TUBE1: variants seen among roughly 807,000 people sequenced by gnomAD.
TUBE1 encodes the protein tubulin epsilon 1, also known as tubulin epsilon chain.
TUBE1 carries 34 observed loss-of-function variants against 53.5 expected under a neutral mutation model. The observed-to-expected ratio is 0.64, with a 90% CI of 0.48 to 0.85. The LOEUF (loss-of-function observed/expected upper bound fraction) is 0.85, where lower values mean the gene tolerates loss of function less well. Ranked by LOEUF, TUBE1 falls within the 40% of genes least tolerant of loss-of-function variation. The pLI is 0.00. For missense variants in TUBE1, 532 were observed against 570.5 expected (o/e 0.93, Z 0.69); for synonymous variants, 177 against 198.4 (o/e 0.89, Z 0.91).
In TUBE1 at chr6:112,079,614, A is replaced by G. The variant is rs781883738; in HGVS notation, c.448+19T>C. ...TTATCCTTTAACACTGTTACAGGCA[A>G]ATGAGTGAAAAATTTTACCTCCTCC... On this transcript the variant is annotated intron_variant, in intron 6 of 11. Coordinates refer to ENST00000368662, the MANE Select transcript of TUBE1 (RefSeq NM_016262.5). 7.4e-6 allele frequency: 12 copies of G among 1,610,768 alleles called. No homozygotes were observed. The highest frequency in any genetic ancestry group is 1.0e-5 in the Non-Finnish European group (12 of 1,178,496).
At chr6:112,085,218 G>A (rs1777129546) in intron 3 of TUBE1, 1 of 152,876 alleles carries the variant, frequency 6.5e-6, no homozygotes, top group African/African-American at 2.4e-5. Context: ...AGTACACAAA[G>A]ATATGGTTTT....
intron 3 of TUBE1, chr6:112,085,572 G>A (rs1777136404): frequency 2.3e-6 from 1 of 439,264 alleles, no homozygotes; most frequent in Admixed American, 2.6e-5. Flanking sequence ...AGAATTTAGA[G>A]GTGAGGATAT....
At chr6:112,076,591 A>G (rs1583594097) in intron 6 of TUBE1, 82 bp from the exon 7 acceptor site, 16 of 1,288,244 alleles carry the variant, frequency 1.2e-5, no homozygotes, top group Non-Finnish European at 1.7e-5. Context: ...ATTTTTTTTG[A>G]GACAGGGTCT....
chr6:112,086,647 G>C, intron 2 of TUBE1, 39 bp from the exon 3 acceptor site: 1 of 1,395,736 alleles, frequency 7.2e-7, no homozygotes, highest in South Asian at 1.2e-5. Context: ...TTTAGGTTTT[G>C]CTTCTCGCCC....
At chr6:112,086,654 G>A (rs1554317370) in intron 2 of TUBE1, 46 bp from the exon 3 acceptor site, 2 of 1,335,672 alleles carry the variant, frequency 1.5e-6, no homozygotes, top group South Asian at 1.2e-5. Context: ...TTTGCTTCTC[G>A]CCCAAATCAA....
chr6:112,073,435 A>T (rs1021408478), intron 9 of TUBE1, among the ~76,000 whole-genome samples: 3 of 152,222 alleles, frequency 2.0e-5, no homozygotes, highest in Non-Finnish European at 2.9e-5. Context: ...TTTTAACCTA[A>T]GTCTTTTAAC....
At chr6:112,081,334 T>A (rs1294001861) in intron 4 of TUBE1, 127 bp from the exon 5 acceptor site, 5 of 442,136 alleles carry the variant, frequency 1.1e-5, no homozygotes, top group Non-Finnish European at 2.0e-5. Context: ...TTAAAATCTT[T>A]ACGTAGAATC....
Position 112,087,439 on chromosome 6 carries a change from G to A in TUBE1, c.-5C>T, listed in dbSNP as rs1562607616. 2.6e-6 allele frequency: 4 copies of A among 1,550,170 alleles called. No individual in the cohort carries two copies. Among genetic ancestry groups the A allele is most frequent in the Non-Finnish European group, 3.5e-6 (4 of 1,146,116 alleles). On this transcript the variant is annotated 5_prime_UTR_variant, in exon 1 of 12. Transcript: ENST00000368662. ...TACGACCACCGACTGGGTCATGGTG[G>A]TGCGCCGCCGGCTCCGGGAGCTTGC...
At chr6:112,072,928 C>G (rs376693173) in intron 9 of TUBE1, 30 bp from the exon 10 acceptor site, 188 of 1,606,710 alleles carry the variant, frequency 1.2e-4, no homozygotes, top group Non-Finnish European at 2.4e-5. Flanking sequence ...ATTGTTTATA[C>G]AAAATATTAC....
intron 3 of TUBE1, among the ~76,000 whole-genome samples, chr6:112,085,069 G>T (rs1322620354): frequency 1.3e-5 from 2 of 152,188 alleles, no homozygotes; most frequent in Non-Finnish European, 2.9e-5. Context: ...AGATCAAGTA[G>T]TGGTGCAAAA....
chr6:112,072,315 C>T (rs1269874557), intron 10 of TUBE1, among the ~76,000 whole-genome samples: 1 of 152,104 alleles, frequency 6.6e-6, no homozygotes, highest in Non-Finnish European at 1.5e-5. Flanking sequence ...ATTCAAGAAG[C>T]TAGAAACTCA....
At chr6:112,082,367 C>T (rs1213101598) in intron 4 of TUBE1, among the ~76,000 whole-genome samples, 1 of 152,062 alleles carries the variant, frequency 6.6e-6, no homozygotes, top group Non-Finnish European at 1.5e-5. Context: ...ACTGTATGGG[C>T]AAATTTTAGT....
At chr6:112,082,042 G>A (rs191463735) in intron 4 of TUBE1, among the ~76,000 whole-genome samples, 2 of 152,216 alleles carry the variant, frequency 1.3e-5, no homozygotes, top group East Asian at 1.9e-4. Flanking sequence ...GTGTCACAGA[G>A]GAAGTGCTCG....
intron 5 of TUBE1, 93 bp from the exon 6 acceptor site, chr6:112,079,847 G>T (rs1777042221): frequency 2.4e-6 from 3 of 1,274,526 alleles, no homozygotes; most frequent in South Asian, 2.9e-5. Context: ...AAACAAATTT[G>T]AAAAGTATTC....
chr6:112,086,128 G>A (rs1777151665), intron 3 of TUBE1, among the ~76,000 whole-genome samples: 1 of 152,140 alleles, frequency 6.6e-6, no homozygotes, highest in South Asian at 2.1e-4. Context: ...TACTCTTCCA[G>A]ATAAAACATA....
chr6:112,077,199 A>T (rs1776985733), intron 6 of TUBE1: 1 of 152,238 alleles, frequency 6.6e-6, no homozygotes, highest in East Asian at 1.9e-4. Flanking sequence ...GAAAAAAACT[A>T]TCATGTCATC....
Position 112,070,809 on chromosome 6 carries a change from T to C in TUBE1, c.*603A>G, listed in dbSNP as rs1272747684. The C allele has an allele frequency of 6.6e-6, 1 of 152,080 alleles. No homozygotes were observed. The highest frequency in any genetic ancestry group is 1.5e-5 in the Non-Finnish European group (1 of 68,002). 9.4% of individuals were successfully genotyped at this position (152,080 alleles called of 1,614,324 possible). On this transcript the variant is annotated 3_prime_UTR_variant, in exon 12 of 12. Coordinates refer to ENST00000368662, the MANE Select transcript of TUBE1 (RefSeq NM_016262.5). The stretch of plus-strand genomic sequence containing the variant: ...ATATAGACATTTATTATAAAATCAA[T>C]TGGTTTGATAAGAAAGCAATTATTT...
In TUBE1 at chr6:112,072,977, T is replaced by C. The variant is rs369581885; in HGVS notation, c.954-79A>G. The C allele has an allele frequency of 8.6e-5, 118 of 1,372,148 alleles. No individual in the cohort carries two copies. In the African/African-American group the frequency reaches 1.6e-3, roughly 18 times the overall value. The allele number at this position is 1,372,148 out of a possible 1,614,324, so 85.0% of individuals were successfully genotyped here. ...TAACTATAAAATGAAGATAGTCCTC[T>C]ATAAGTAAGAAACCACACTAAATAT... On this transcript the variant is annotated intron_variant, in intron 9 of 11. Transcript: ENST00000368662.
At chr6:112,087,148 A>G in intron 2 of TUBE1, 85 bp downstream of exon 2, 1 of 1,234,708 alleles carries the variant, frequency 8.1e-7, no homozygotes, top group South Asian at 1.4e-5. Flanking sequence ...AACGGGTCAG[A>G]TGAAAGCTCA....
Sources: allele counts gnomAD v4.1 joint callset (sites outside exome capture counted in the v4.1 genomes callset), GRCh38; gene constraint gnomAD v4.1.1; transcripts MANE v1.5; gene names NCBI Gene and HGNC (gene_info 2026-07-23, HGNC 2026-07-21).